TBC1D10C: variants seen among roughly 807,000 people sequenced by gnomAD.
TBC1D10C encodes carabin.
TBC1D10C carries 49 observed loss-of-function variants against 51.0 expected under a neutral mutation model. The ratio of observed to expected loss-of-function variants is 0.96; its 90% confidence interval spans 0.76 to 1.22. TBC1D10C has a LOEUF of 1.22. Among genes scored for constraint, TBC1D10C ranks in the 50% most tolerant of loss-of-function variants. The pLI, the probability that TBC1D10C is intolerant of heterozygous loss-of-function variation, is 0.00. For missense variants in TBC1D10C, 541 were observed against 617.5 expected (o/e 0.88, Z 1.31); for synonymous variants, 281 against 266.7 (o/e 1.05, Z -0.52).
At chr11:67,409,373 G>A in intron 8 of TBC1D10C, 34 bp from the exon 9 acceptor site, 1 of 1,535,826 alleles carries the variant, frequency 6.5e-7, no homozygotes, top group South Asian at 1.2e-5. Context: ...CTGCCTTGAG[G>A]CCGGGCAAAC....
rs777317954 is a variant in TBC1D10C at position 67,406,848 on chromosome 11, G to A, written c.670G>A (p.Glu224Lys). 5.0e-6 allele frequency: 8 copies of A among 1,609,088 alleles called. No individual in the cohort carries two copies. Among genetic ancestry groups the A allele is most frequent in the Middle Eastern group, 1.7e-4 (1 of 6,058 alleles). The change falls in exon 7 of 9, where the codon GAG (glutamate) becomes AAG (lysine). Residue 224 changes from glutamate (E) to lysine (K), a missense_variant. By Grantham distance (56) the Glu-to-Lys change is moderately conservative. Coordinates refer to ENST00000542590, the MANE Select transcript of TBC1D10C (RefSeq NM_001369496.1). ...PHMEAVRLDAEVFMALLRRLL... is the reference protein window; with the variant it reads ...PHMEAVRLDAKVFMALLRRLL... ...ACAGGAGGCTGTGCGGCTGGACGCC[G>A]AGGTGTTCATGGCCCTGCTGCGGCG...
At chr11:67,405,841 C>A in intron 4 of TBC1D10C, 62 bp from the exon 5 acceptor site, 2 of 1,546,698 alleles carry the variant, frequency 1.3e-6, no homozygotes, top group South Asian at 2.3e-5. Context: ...GGGCAGAGGC[C>A]CCCAGAGGGT....
intron 2 of TBC1D10C, 38 bp from the exon 3 acceptor site, chr11:67,405,361 T>C (rs897868583): frequency 1.9e-6 from 3 of 1,600,412 alleles, no homozygotes; most frequent in Non-Finnish European, 1.7e-6. Context: ...GCAGGAGCTA[T>C]GGAGGCTGCC....
chr11:67,408,778 G>A (rs1026869590), intron 7 of TBC1D10C: 3 of 566,470 alleles, frequency 5.3e-6, no homozygotes, highest in Non-Finnish European at 8.4e-6. Context: ...CTTCCCCAAA[G>A]CATCTGTGGC....
Position 67,406,630 on chromosome 11 carries a change from G to C in TBC1D10C, c.586G>C (p.Ala196Pro), listed in dbSNP as rs1863172993. 1 of 1,569,554 alleles carries C rather than the reference G, an allele frequency of 6.4e-7. No individual in the cohort carries two copies. The highest frequency in any genetic ancestry group is 1.4e-5 in the African/African-American group (1 of 73,736). ...VLLMHLPPEE[A>P]FWCLVQICEV... ...CTGTGCCCTGCCCCTTCCCCAGGAG[G>C]CCTTCTGGTGCCTGGTGCAGATCTG... The change falls in exon 6 of 9, where the codon GCC becomes CCC. Residue 196 changes from alanine (A) to proline (P), a missense_variant. Transcript: ENST00000542590.
chr11:67,403,978 CAG>C (rs762624713), upstream of TBC1D10C: 252 of 447,748 alleles, frequency 5.6e-4, no homozygotes, highest in Non-Finnish European at 8.8e-4. Context: ...CTGGTGGGGA[CAG>C]GGGCAGGGCT....
At chr11:67,404,984 A>T (rs1447766120) in intron 1 of TBC1D10C, 101 bp from the exon 2 acceptor site, 5 of 1,076,438 alleles carry the variant, frequency 4.6e-6, no homozygotes, top group Non-Finnish European at 6.6e-6. Context: ...AGAGATCCCT[A>T]GGGCCAGGAG....
At position 67,405,065 on chromosome 11, in the gene TBC1D10C, C is replaced by T; in HGVS notation, c.153-20C>T. ...GTAACAGCTGCCCAGCGTCTGGATA[C>T]CTGTGCCATGCACCCCCAGGCCGGG... On this transcript the variant is annotated intron_variant, in intron 1 of 8. Coordinates refer to ENST00000542590, the MANE Select transcript of TBC1D10C (RefSeq NM_001369496.1). 1 of 1,546,768 alleles carries T rather than the reference C, an allele frequency of 6.5e-7. No homozygotes were observed. The highest frequency in any genetic ancestry group is 1.2e-5 in the South Asian group (1 of 83,766).
Position 67,406,808 on chromosome 11 carries a change from C to T in TBC1D10C, c.649-19C>T, listed in dbSNP as rs1863184393. 2 of 1,608,362 alleles carry T rather than the reference C, an allele frequency of 1.2e-6. No homozygotes were observed. The highest frequency in any genetic ancestry group is 4.5e-5 in the East Asian group (2 of 44,846). ...CTCTGGGGGTGGCGGTGCTGGCCTG[C>T]TGATGGACGTGGCCACAGGAGGCTG... On this transcript the variant is annotated intron_variant, in intron 6 of 8. Transcript: ENST00000542590.
intron 4 of TBC1D10C, 47 bp downstream of exon 4, chr11:67,405,748 G>C: frequency 6.2e-7 from 1 of 1,605,916 alleles, no homozygotes; most frequent in South Asian, 1.1e-5. Flanking sequence ...ACAAGCCCCA[G>C]GTGCTCCAGC....
intron 8 of TBC1D10C, 50 bp downstream of exon 8, chr11:67,409,183 G>C (rs1273450900): frequency 2.0e-6 from 3 of 1,524,078 alleles, no homozygotes. Context: ...GCTGCACGGG[G>C]GAAACTGAGT....
In TBC1D10C at chr11:67,405,709, G is replaced by A. The variant is rs960318174; in HGVS notation, c.467+8G>A. 6.2e-7 allele frequency: 1 copy of A among 1,613,412 alleles called. No homozygotes were observed. Among genetic ancestry groups the A allele is most frequent in the Non-Finnish European group, 8.5e-7 (1 of 1,179,912 alleles). ...GTCGCCTCAGGGCCACGGGTACGAGGCCGGTGATGCCCAGGGACCCCCAGC... is the reference window on the plus strand; with the variant it reads ...GTCGCCTCAGGGCCACGGGTACGAGACCGGTGATGCCCAGGGACCCCCAGC... On this transcript the variant is annotated splice_region_variant and intron_variant, in intron 4 of 8. Transcript: ENST00000542590.
intron 7 of TBC1D10C, chr11:67,407,695 G>A (rs935805692): frequency 6.6e-6 from 1 of 152,512 alleles, no homozygotes; most frequent in Non-Finnish European, 1.5e-5. Context: ...AGAACAGGAG[G>A]GGAGTCGGAG....
In TBC1D10C at chr11:67,405,490, G is replaced by A; in HGVS notation, c.344G>A (p.Ser115Asn). ...GGGGCCCATGTGTGCCAGAAGAACA[G>A]CCCTGGCACCTATCAGGTGAGGGAG... Reference protein sequence around the residue: ...LCGAHVCQKNSPGTYQELAEA... With the variant: ...LCGAHVCQKNNPGTYQELAEA... The change falls in exon 3 of 9, where the codon AGC becomes AAC. Residue 115 changes from serine to asparagine, a missense_variant. Ser to Asn is a conservative substitution (Grantham distance 46). Coordinates refer to ENST00000542590, the MANE Select transcript of TBC1D10C (RefSeq NM_001369496.1). 1 of 1,613,026 alleles carries A rather than the reference G, an allele frequency of 6.2e-7. No homozygotes were observed. The highest frequency in any genetic ancestry group is 8.5e-7 in the Non-Finnish European group (1 of 1,179,830).
rs564406985 is a variant in TBC1D10C, at chr11:67,409,935, G to A, written c.*181G>A. ...ATACTGGGTCAGGCACTAGCATGGA[G>A]GAGGGTCACAGAGTGGGGCACGTGA... On this transcript the variant is annotated 3_prime_UTR_variant, in exon 9 of 9. Coordinates refer to ENST00000542590, the MANE Select transcript of TBC1D10C (RefSeq NM_001369496.1). The A allele has an allele frequency of 4.9e-6, 3 of 606,450 alleles. No homozygotes were observed. The highest frequency in any genetic ancestry group is 8.5e-6 in the Non-Finnish European group (3 of 354,788). 37.6% of individuals were successfully genotyped at this position (606,450 alleles called of 1,614,324 possible). A position where few individuals can be genotyped will look rare whatever the true frequency, so the allele number is the denominator to read the frequency against.
chr11:67,404,050 C>A, upstream of TBC1D10C: 1 of 953,308 alleles, frequency 1.0e-6, no homozygotes, highest in South Asian at 2.2e-5. Context: ...CTAGCCCCTG[C>A]CCCCATAAAA....
rs370675901 is a variant in TBC1D10C, at chr11:67,404,104, C to T, written c.-99C>T. ...TGGTGAGATACCCTGAAACCTCCCC[C>T]CTCTGACCCCGCAGCCAGGCCCCAG... On this transcript the variant is annotated 5_prime_UTR_variant, in exon 1 of 9. Coordinates refer to ENST00000542590, the MANE Select transcript of TBC1D10C (RefSeq NM_001369496.1). The T allele has an allele frequency of 6.1e-5, 83 of 1,371,726 alleles. No individual in the cohort carries two copies. In the African/African-American group the frequency reaches 1.1e-3, roughly 17 times the overall value. The allele number at this position is 1,371,726 out of a possible 1,614,324, so 85.0% of individuals were successfully genotyped here.
intron 1 of TBC1D10C, 134 bp downstream of exon 1, chr11:67,404,488 C>T (rs1397839081): frequency 5.4e-6 from 5 of 933,540 alleles, no homozygotes; most frequent in Non-Finnish European, 7.6e-6. Context: ...CACCCCTCTG[C>T]AGGTGCCAGG....
Position 67,408,964 on chromosome 11 carries a change from G to A in TBC1D10C, c.839-15G>A, listed in dbSNP as rs757340271. ...GCAGGGCCGGCCTCCCAGTGAATAA[G>A]CCCCCGGCCTGCAGGTGCCAGAGTA... On this transcript the variant is annotated splice_polypyrimidine_tract_variant and intron_variant, in intron 7 of 8. Transcript: ENST00000542590. The A allele has an allele frequency of 2.6e-6, 4 of 1,535,020 alleles. No homozygotes were observed. The South Asian group carries it at 3.7e-5, about 14-fold the overall frequency.
Sources: gnomAD v4.1 joint callset for allele counts on GRCh38, gnomAD v4.1.1 for gene constraint, MANE v1.5 for transcripts, NCBI Gene and HGNC (gene_info 2026-07-23, HGNC 2026-07-21) for gene names.